Variants in GLMP observed in about 807,000 individuals in gnomAD.
GLMP encodes the protein glycosylated lysosomal membrane protein, also known as kidney lysosomal membrane protein.
A neutral mutation model predicts 39.2 loss-of-function variants in GLMP; 36 were observed. The ratio of observed to expected loss-of-function variants is 0.92; its 90% CI spans 0.70 to 1.21. GLMP has a LOEUF of 1.21. GLMP is among the 50% of genes most tolerant of loss of function. GLMP has a pLI of 0.00. For synonymous variants in GLMP, 220 were observed against 218.9 expected, an observed-to-expected ratio of 1.01 and a Z score of -0.04; for missense variants, 454 against 505.6, an observed-to-expected ratio of 0.90 and a Z score of 0.98.
rs1462559822 is a variant in GLMP, at chr1:156,294,830, CAG to C, written c.305_306del (p.Pro102ArgfsTer11). 1 of 1,599,224 alleles carries C rather than the reference CAG, an allele frequency of 6.3e-7. No homozygotes were observed. Among genetic ancestry groups the C allele is most frequent in the Non-Finnish European group, 8.5e-7 (1 of 1,172,194 alleles). On this transcript the variant is annotated frameshift_variant, in exon 2 of 6. Transcript: ENST00000362007. LOFTEE classifies it high-confidence loss of function. ...LSVNWSLLLS[P>X]EPDGGLMVLP... ...AGCACCATCAGGCCCCCATCGGGCT[CAG>C]GGGATAGCAGGAGGCTCCAGTTGAC...
At position 156,292,702 on chromosome 1, in the gene GLMP, A is replaced by T; in HGVS notation, c.*342T>A. 3.9e-6 allele frequency: 1 copy of T among 257,134 alleles called. No individual in the cohort carries two copies. The highest frequency in any genetic ancestry group is 7.3e-6 in the Non-Finnish European group (1 of 136,288). 15.9% of individuals were successfully genotyped at this position (257,134 alleles called of 1,614,324 possible). A position where few individuals can be genotyped will look rare whatever the true frequency, so the allele number is the denominator to read the frequency against. ...AGAGACTGGAGCCCTGTGAAAAAAA[A>T]TAAATCTATTTTCTTGCCTTCCAGG... On this transcript the variant is annotated 3_prime_UTR_variant, in exon 6 of 6. Transcript: ENST00000362007.
rs1462158447 is a variant in GLMP, at chr1:156,293,321, A to G, written c.1054T>C (p.Trp352Arg). 12 of 1,614,000 alleles carry G rather than the reference A, an allele frequency of 7.4e-6. No individual in the cohort carries two copies. The Admixed American group carries it at 2.0e-4, about 27-fold the overall frequency. The change falls in exon 5 of 6, where the codon TGG (tryptophan) becomes CGG (arginine). Residue 352 changes from tryptophan to arginine, a missense_variant and splice_region_variant. Coordinates refer to ENST00000362007, the MANE Select transcript of GLMP (RefSeq NM_144580.3). ...CCCGGCCCAAACCCTGGCTCTCACC[A>G]GCTGAGGTAGTGTTGGTCCCAATAG... Reference protein sequence around the residue: ...PGYWDQHYLSWSMLLGVGFPP... With the variant: ...PGYWDQHYLSRSMLLGVGFPP...
Position 156,295,661 on chromosome 1 carries a change from C to T in GLMP, c.-16G>A. The T allele has an allele frequency of 6.5e-7, 1 of 1,547,976 alleles. No individual in the cohort carries two copies. The highest frequency in any genetic ancestry group is 1.4e-5 in the African/African-American group (1 of 73,112). ...AGCCGCGCATACGGCCGCAATTCAG[C>T]CGACGGAAGAGGTGCCAGAGGGTCA... is the stretch of plus-strand genomic sequence containing the variant. On this transcript the variant is annotated 5_prime_UTR_variant, in exon 1 of 6. Transcript: ENST00000362007.
intron 4 of GLMP, 66 bp downstream of exon 4, chr1:156,293,952 G>A (rs1453070390): frequency 6.4e-7 from 1 of 1,557,792 alleles, no homozygotes; most frequent in Non-Finnish European, 8.8e-7. Flanking sequence ...GGTTGAATGA[G>A]TTTTAGGTCC....
chr1:156,293,760 C>T, intron 4 of GLMP, 184 bp from the exon 5 acceptor site: 1 of 1,528,786 alleles, frequency 6.5e-7, no homozygotes, highest in Non-Finnish European at 8.9e-7. Flanking sequence ...GTTTTCCAAA[C>T]CTCCAAGTCT....
In GLMP at chr1:156,293,669, C is replaced by G. The variant is rs906775021; in HGVS notation, c.799-93G>C. ...ACTCCCAGCCTTATTCTGTGACTAG[C>G]AGCAGGAGTCCTGAGTCCTAGGCAG... On this transcript the variant is annotated intron_variant, in intron 4 of 5. Coordinates refer to ENST00000362007, the MANE Select transcript of GLMP (RefSeq NM_144580.3). The G allele has an allele frequency of 9.5e-6, 15 of 1,574,672 alleles. No homozygotes were observed. In the African/African-American group the frequency reaches 1.8e-4, roughly 19 times the overall value.
At chr1:156,295,381 A>C (rs1446472635) in intron 1 of GLMP, 145 bp downstream of exon 1, 3 of 1,410,402 alleles carry the variant, frequency 2.1e-6, no homozygotes, top group Admixed American at 6.8e-5. Context: ...CCCATGACCC[A>C]TGACCATCTC....
At position 156,293,417 on chromosome 1, in the gene GLMP, G is replaced by A. The variant is rs376941297; in HGVS notation, c.958C>T (p.Arg320Ter). ...AYSLPQSPIVRAFFGSQNNFC... is the reference protein window; with the variant it reads ...AYSLPQSPIV Reference sequence around the variant, plus strand: ...TTATTCTGGGACCCAAAGAAGGCTCGGACAATGGGTGACTGGGGAAGAGAG... The same window carrying A: ...TTATTCTGGGACCCAAAGAAGGCTCAGACAATGGGTGACTGGGGAAGAGAG... Residue 320 changes from arginine to a stop codon, truncating the protein, a stop_gained, in exon 5 of 6, where the codon CGA becomes TGA. Coordinates refer to ENST00000362007, the MANE Select transcript of GLMP (RefSeq NM_144580.3). LOFTEE classifies it high-confidence loss of function. 19 of 1,614,170 alleles carry A rather than the reference G, an allele frequency of 1.2e-5. No homozygotes were observed. The highest frequency in any genetic ancestry group is 6.6e-5 in the South Asian group (6 of 91,080).
Position 156,294,541 on chromosome 1 carries a change from C to T in GLMP, c.403G>A (p.Val135Met), listed in dbSNP as rs1219964827. Residue 135 changes from valine to methionine, a missense_variant, in exon 3 of 6, where the codon GTG becomes ATG. Coordinates refer to ENST00000362007, the MANE Select transcript of GLMP (RefSeq NM_144580.3). Reference protein sequence around the residue: ...TRLLEFDSTNVSDTAAKPLGR... With the variant: ...TRLLEFDSTNMSDTAAKPLGR... ...AAAGGCTTTGCTGCCGTATCGGACA[C>T]GTTGGTGCTGTCAAACTCAAGCAGC... The T allele has an allele frequency of 1.2e-5, 20 of 1,613,920 alleles. No individual in the cohort carries two copies. Among genetic ancestry groups the T allele is most frequent in the South Asian group, 5.5e-5 (5 of 91,078 alleles).
rs1360313960 is a variant in GLMP at position 156,295,608 on chromosome 1, T to C, written c.38A>G (p.His13Arg). Reference protein sequence around the residue: ...GSVECTWGWGHCAPSPLLLWT... With the variant: ...GSVECTWGWGRCAPSPLLLWT... The stretch of plus-strand genomic sequence containing the variant: ...AAGGAGCAGGGGGCTGGGGGCACAG[T>C]GCCCCCAACCCCAGGTGCACTCCAC... Residue 13 changes from histidine to arginine, a missense_variant, in exon 1 of 6, where the codon CAC becomes CGC. Coordinates refer to ENST00000362007, the MANE Select transcript of GLMP (RefSeq NM_144580.3). The C allele has an allele frequency of 6.5e-6, 10 of 1,539,464 alleles. No homozygotes were observed. Among genetic ancestry groups the C allele is most frequent in the Non-Finnish European group, 8.8e-6 (10 of 1,141,438 alleles).
At chr1:156,293,980 C>T (rs775631280) in intron 4 of GLMP, 38 bp downstream of exon 4, 2 of 1,600,190 alleles carry the variant, frequency 1.2e-6, no homozygotes. Flanking sequence ...GTCCCACCTA[C>T]ATTCCTCACC....
rs944071086 is a variant in GLMP at position 156,293,583 on chromosome 1, A to G, written c.799-7T>C. 2.5e-6 allele frequency: 4 copies of G among 1,614,044 alleles called. No individual in the cohort carries two copies. In the Admixed American group the frequency reaches 6.7e-5, roughly 27 times the overall value. ...CCCACAGTAGCTGGTCCAACTGGGA[A>G]GAAAGGCAAACAAGGGAGGGTAAAG... On this transcript the variant is annotated splice_polypyrimidine_tract_variant and splice_region_variant and intron_variant, in intron 4 of 5. Coordinates refer to ENST00000362007, the MANE Select transcript of GLMP (RefSeq NM_144580.3).
rs760901692 is a variant in GLMP, at chr1:156,293,101, G to A, written c.1164C>T (p.Gly388=). ...LGAPGLMLLG[G]GLVLLLHHKK... is the part of the protein sequence containing the mutation. ...TGTGGTGCAGCAGCAGAACCAAGCCGCCCCCTAGCAGCATGAGCCCTGGGG... is the reference window on the plus strand; with the variant it reads ...TGTGGTGCAGCAGCAGAACCAAGCCACCCCCTAGCAGCATGAGCCCTGGGG... Residue 388 remains glycine, a synonymous_variant, in exon 6 of 6, where the codon GGC becomes GGT. Transcript: ENST00000362007. The A allele has an allele frequency of 9.3e-6, 15 of 1,613,938 alleles. No individual in the cohort carries two copies. The highest frequency in any genetic ancestry group is 5.3e-5 in the African/African-American group (4 of 74,872).
rs1462017418 is a variant in GLMP at position 156,293,049 on chromosome 1, T to A, written c.1216A>T (p.Asn406Tyr). The change falls in exon 6 of 6, where the codon AAT becomes TAT. Residue 406 changes from asparagine (N) to tyrosine (Y), a missense_variant. Transcript: ENST00000362007. Reference sequence around the variant, plus strand: ...TTCCCTCCAGAGAGCGGGCCTTAATTTATGGACTGGTACTCTGAGTACTTC... The same window carrying A: ...TTCCCTCCAGAGAGCGGGCCTTAATATATGGACTGGTACTCTGAGTACTTC... ...HKKYSEYQSIN is the reference protein window; with the variant it reads ...HKKYSEYQSIY 6.2e-7 allele frequency: 1 copy of A among 1,613,830 alleles called. No homozygotes were observed. Among genetic ancestry groups the A allele is most frequent in the Admixed American group, 1.7e-5 (1 of 59,984 alleles).
At position 156,294,747 on chromosome 1, in the gene GLMP, C is replaced by G; in HGVS notation, c.378+12G>C. The G allele has an allele frequency of 6.5e-7, 1 of 1,548,330 alleles. No individual in the cohort carries two copies. Among genetic ancestry groups the G allele is most frequent in the South Asian group, 1.2e-5 (1 of 80,600 alleles). On this transcript the variant is annotated intron_variant, in intron 2 of 5. Transcript: ENST00000362007. ...TGCACTCTTCTCCTTGGTTCTCTCC[C>G]AACCTCCTCACCCTGGTAAAAACAA...
Position 156,293,027 on chromosome 1 carries a change from C to T in GLMP, c.*17G>A, listed in dbSNP as rs1663409447. On this transcript the variant is annotated 3_prime_UTR_variant, in exon 6 of 6. Transcript: ENST00000362007. ...CAAGACAGGTTCAGTAATGTCCTTC[C>T]CTCCAGAGAGCGGGCCTTAATTTAT... 1.2e-6 allele frequency: 2 copies of T among 1,613,420 alleles called. No homozygotes were observed. The highest frequency in any genetic ancestry group is 2.2e-5 in the East Asian group (1 of 44,868).
At position 156,294,447 on chromosome 1, in the gene GLMP, G is replaced by C. The variant is rs1663515354; in HGVS notation, c.497C>G (p.Pro166Arg). 2 of 1,614,048 alleles carry C rather than the reference G, an allele frequency of 1.2e-6. No homozygotes were observed. The highest frequency in any genetic ancestry group is 1.3e-5 in the African/African-American group (1 of 74,930). ...SWNNITDSLD[P>R]ATLSATFQGH... Reference sequence around the variant, plus strand: ...TTGAAATGTGGCACTCAGGGTGGCAGGATCCAATGAATCAGTGATGTTGTT... The same window carrying C: ...TTGAAATGTGGCACTCAGGGTGGCACGATCCAATGAATCAGTGATGTTGTT... The change falls in exon 3 of 6, where the codon CCT becomes CGT. Residue 166 changes from proline (P) to arginine (R), a missense_variant. Pro to Arg is a moderately radical substitution (Grantham distance 103). Coordinates refer to ENST00000362007, the MANE Select transcript of GLMP (RefSeq NM_144580.3).
chr1:156,294,763 G>T lies in GLMP; in HGVS notation c.374C>A (p.Thr125Asn). The T allele has an allele frequency of 1.9e-6, 3 of 1,548,902 alleles. No homozygotes were observed. The highest frequency in any genetic ancestry group is 8.7e-7 in the Non-Finnish European group (1 of 1,146,240). Residue 125 changes from threonine (T) to asparagine (N), a missense_variant, in exon 2 of 6, where the codon ACC (threonine) becomes AAC (asparagine). Transcript: ENST00000362007. Reference protein sequence around the residue: ...SIQFSSALVFTRLLEFDSTNV... With the variant: ...SIQFSSALVFNRLLEFDSTNV... ...GTTCTCTCCCAACCTCCTCACCCTGGTAAAAACAAGGGCAGAAGAAAACTG... is the reference window on the plus strand; with the variant it reads ...GTTCTCTCCCAACCTCCTCACCCTGTTAAAAACAAGGGCAGAAGAAAACTG...
chr1:156,293,347 C>A lies in GLMP; in HGVS notation c.1028G>T (p.Gly343Val), dbSNP rs143465527. 18 of 1,614,046 alleles carry A rather than the reference C, an allele frequency of 1.1e-5. No individual in the cohort carries two copies. Among genetic ancestry groups the A allele is most frequent in the African/African-American group, 1.3e-5 (1 of 74,922 alleles). The change falls in exon 5 of 6, where the codon GGC (glycine) becomes GTC (valine). Residue 343 changes from glycine (G) to valine (V), a missense_variant. By Grantham distance (109) the Gly-to-Val change is moderately radical. Transcript: ENST00000362007. ...GCTGAGGTAGTGTTGGTCCCAATAG[C>A]CAGGGCCTGTGGAAGCCCCGAACGT... Reference protein sequence around the residue: ...NLTFGASTGPGYWDQHYLSWS... With the variant: ...NLTFGASTGPVYWDQHYLSWS...
Sources: gnomAD v4.1 joint callset for allele counts on GRCh38, gnomAD v4.1.1 for gene constraint, MANE v1.5 for transcripts, NCBI Gene and HGNC (gene_info 2026-07-23, HGNC 2026-07-21) for gene names.